The following PRUNE2 variants were observed in gnomAD, a reference collection of about 807,000 sequenced individuals.
PRUNE2 encodes protein prune homolog 2.
PRUNE2 carries 164 observed loss-of-function variants against 252.0 expected under a neutral mutation model. That is an observed-to-expected ratio of 0.65 (90% CI 0.57 to 0.74). The LOEUF (loss-of-function observed/expected upper bound fraction) is 0.74, where lower values mean the gene tolerates loss of function less well. Ranked by LOEUF, PRUNE2 falls within the 30% of genes least tolerant of loss-of-function variation. The probability of loss-of-function intolerance (pLI) is 0.00; values close to 1 mark genes in which losing one functional copy is unlikely to be tolerated. For synonymous variants in PRUNE2, 1,292 were observed against 1,350.2 expected, an observed-to-expected ratio of 0.96 and a Z score of 0.94; for missense variants, 3,495 against 3,711.0, an observed-to-expected ratio of 0.94 and a Z score of 1.51.
chr9:76,615,578 C>G (rs1564309874), intron 18 of PRUNE2, among the ~76,000 whole-genome samples: 1 of 152,102 alleles, frequency 6.6e-6, no homozygotes, highest in Admixed American at 6.5e-5. Context: ...GGGACTTGGC[C>G]AAGTCACCCA....
intron 6 of PRUNE2, among the ~76,000 whole-genome samples, chr9:76,756,909 C>G (rs760877397): frequency 6.8e-6 from 1 of 147,192 alleles, no homozygotes; most frequent in Non-Finnish European, 1.5e-5. Flanking sequence ...GCTGGAATAG[C>G]CAATGCAAGC....
intron 4 of PRUNE2, among the ~76,000 whole-genome samples, chr9:76,837,441 A>AAGTAATAATAAT (rs2059067219): frequency 7.4e-6 from 1 of 134,826 alleles, no homozygotes; most frequent in Non-Finnish European, 1.6e-5. Context: ...ACTCTGTCTC[A>AAGTAATAATAAT]AATAATAATA....
chr9:76,840,353 G>C (rs1258960818), intron 4 of PRUNE2, among the ~76,000 whole-genome samples: 1 of 152,110 alleles, frequency 6.6e-6, no homozygotes, highest in African/African-American at 2.4e-5. Flanking sequence ...AGAACCAAAG[G>C]AATCAATATC....
At chr9:76,802,976 G>A (rs912105543) in intron 6 of PRUNE2, among the ~76,000 whole-genome samples, 2 of 152,078 alleles carry the variant, frequency 1.3e-5, no homozygotes, top group Non-Finnish European at 2.9e-5. Flanking sequence ...CAACCAAAAT[G>A]TTTCAGTTCC....
At chr9:76,622,091 C>A (rs1400314649) in intron 17 of PRUNE2, among the ~76,000 whole-genome samples, 1 of 152,106 alleles carries the variant, frequency 6.6e-6, no homozygotes, top group African/African-American at 2.4e-5. Flanking sequence ...CATTGCAATG[C>A]ACAATAAAGT....
At chr9:76,861,184 C>A (rs1445028163) in intron 1 of PRUNE2, among the ~76,000 whole-genome samples, 1 of 152,178 alleles carries the variant, frequency 6.6e-6, no homozygotes, top group Non-Finnish European at 1.5e-5. Flanking sequence ...CAAACACCCC[C>A]TCTGCAGCTC....
At chr9:76,869,473 C>G (rs1370079069) in intron 1 of PRUNE2, among the ~76,000 whole-genome samples, 1 of 152,224 alleles carries the variant, frequency 6.6e-6, no homozygotes, top group Non-Finnish European at 1.5e-5. Flanking sequence ...TTCTCTCTCT[C>G]TCTCTTTCAA....
At chr9:76,861,852 T>C (rs2060569108) in intron 1 of PRUNE2, among the ~76,000 whole-genome samples, 1 of 151,980 alleles carries the variant, frequency 6.6e-6, no homozygotes. Flanking sequence ...AAGGACAGTT[T>C]TGGAAGCAGC....
chr9:76,786,238 A>G (rs1057180210), intron 6 of PRUNE2: 4 of 152,216 alleles, frequency 2.6e-5, no homozygotes, highest in African/African-American at 9.6e-5. Flanking sequence ...GTTCATGGAT[A>G]GTCCAATAAA....
chr9:76,799,217 T>G (rs2056362310), intron 6 of PRUNE2, among the ~76,000 whole-genome samples: 1 of 152,026 alleles, frequency 6.6e-6, no homozygotes, highest in Non-Finnish European at 1.5e-5. Context: ...GGCACATGCC[T>G]GTAATCCCAG....
chr9:76,741,527 T>C (rs1366395724), intron 6 of PRUNE2, among the ~76,000 whole-genome samples: 2 of 152,076 alleles, frequency 1.3e-5, no homozygotes, highest in Non-Finnish European at 2.9e-5. Context: ...GTCCAGAACA[T>C]ACAAACAAAA....
intron 15 of PRUNE2, among the ~76,000 whole-genome samples, chr9:76,630,529 C>G (rs1467491364): frequency 2.0e-5 from 3 of 152,048 alleles, no homozygotes; most frequent in African/African-American, 7.2e-5. Flanking sequence ...AATGCATTTT[C>G]TTTTTTTCTT....
At chr9:76,792,775 C>G (rs1197449542) in intron 6 of PRUNE2, among the ~76,000 whole-genome samples, 3 of 152,142 alleles carry the variant, frequency 2.0e-5, no homozygotes, top group Non-Finnish European at 4.4e-5. Flanking sequence ...AAAGATGTTA[C>G]TATTTGCCAA....
intron 6 of PRUNE2, among the ~76,000 whole-genome samples, chr9:76,713,996 T>C (rs895124062): frequency 6.6e-6 from 1 of 152,192 alleles, no homozygotes; most frequent in African/African-American, 2.4e-5. Context: ...CATTTTTTTC[T>C]AAAATATTTA....
chr9:76,725,384 G>C (rs4745576), intron 6 of PRUNE2, among the ~76,000 whole-genome samples: 110,437 of 152,096 alleles, frequency 0.73, 40,963 homozygotes, highest in East Asian at 0.91. Context: ...CTCAATGAAA[G>C]TGTCAGTACA....
At chr9:76,797,685 C>G (rs1321935756) in intron 6 of PRUNE2, among the ~76,000 whole-genome samples, 2 of 151,810 alleles carry the variant, frequency 1.3e-5, no homozygotes, top group Admixed American at 6.6e-5. Context: ...CACCCTGCCC[C>G]CCGCAACCAA....
chr9:76,861,918 C>G (rs2060573301), intron 1 of PRUNE2, among the ~76,000 whole-genome samples: 1 of 151,800 alleles, frequency 6.6e-6, no homozygotes, highest in Non-Finnish European at 1.5e-5. Context: ...AAATCTTTAA[C>G]TTCCCTGAAG....
chr9:76,898,159 G>A lies in PRUNE2; in HGVS notation c.36+7769C>T, dbSNP rs1484035034. 2.6e-5 allele frequency among the ~76,000 whole-genome samples: 4 copies of A among 152,336 alleles called. No individual in the cohort carries two copies. The East Asian group carries it at 5.8e-4, about 22-fold the overall frequency. ...ACTGGCTCCACATGATTAGCCGCCC[G>A]GCTGTACTGCCTTTAGGGGGCAAGA... On this transcript the variant is annotated intron_variant, in intron 1 of 18. Transcript: ENST00000376718.
In PRUNE2 at chr9:76,833,487, C is replaced by T. The variant is rs570686517; in HGVS notation, c.509-6755G>A. Among the ~76,000 whole-genome samples, 18 of 152,220 alleles carry T rather than the reference C, an allele frequency of 1.2e-4. No homozygotes were observed. The East Asian group carries it at 3.3e-3, about 28-fold the overall frequency. On this transcript the variant is annotated intron_variant, in intron 4 of 18. Coordinates refer to ENST00000376718, the MANE Select transcript of PRUNE2 (RefSeq NM_015225.3). ...GCATTTATAAAAACCAAATACAGGC[C>T]GGGCGTGGTGGCTCATGCCTGTAAT...
Sources: allele counts gnomAD v4.1 joint callset (sites outside exome capture counted in the v4.1 genomes callset), GRCh38; gene constraint gnomAD v4.1.1; transcripts MANE v1.5; gene names NCBI Gene and HGNC (gene_info 2026-07-23, HGNC 2026-07-21).